The following SMC6 variants were observed in gnomAD, a reference collection of about 807,000 sequenced individuals.
SMC6 encodes structural maintenance of chromosomes protein 6.
A neutral mutation model predicts 142.2 loss-of-function variants in SMC6; 79 were observed. The ratio of observed to expected loss-of-function variants is 0.56; its 90% CI spans 0.46 to 0.67. The LOEUF (loss-of-function observed/expected upper bound fraction) is 0.67. SMC6 is among the 30% of genes least tolerant of loss of function. SMC6 has a pLI of 0.00. For missense variants in SMC6, 1,072 were observed against 1,284.0 expected (o/e 0.83, Z 2.52); for synonymous variants, 411 against 412.4 (o/e 1.00, Z 0.04).
rs756473163 is a variant in SMC6 at position 17,703,252 on chromosome 2, A to T, written c.2047T>A (p.Leu683Ile). Reference protein sequence around the residue: ...NEVENKTAQILNLQQHLSALE... With the variant: ...NEVENKTAQIINLQQHLSALE... ...GCAGATAAATGTTGCTGAAGATTTA[A>T]TATCTGGGCCGTCTTATTTTCAACC... The change falls in exon 19 of 28, where the codon TTA (leucine) becomes ATA (isoleucine). Residue 683 changes from leucine to isoleucine, a missense_variant. Physicochemically the swap from Leu to Ile is conservative, Grantham distance 5. Transcript: ENST00000448223. 3.7e-6 allele frequency: 6 copies of T among 1,607,040 alleles called. No individual in the cohort carries two copies. The South Asian group carries it at 6.7e-5, about 18-fold the overall frequency.
chr2:17,743,649 C>G (rs1043928877), intron 3 of SMC6, among the ~76,000 whole-genome samples: 12 of 152,010 alleles, frequency 7.9e-5, no homozygotes, highest in African/African-American at 2.9e-4. Context: ...ATTGTACATT[C>G]TACAGATTTG....
At chr2:17,750,307 A>G (rs1670961276) in intron 2 of SMC6, among the ~76,000 whole-genome samples, 1 of 152,238 alleles carries the variant, frequency 6.6e-6, no homozygotes, top group Non-Finnish European at 1.5e-5. Flanking sequence ...TAAAAGACTG[A>G]ATTAGTAGAA....
chr2:17,744,822 C>A (rs1435086924), intron 3 of SMC6, among the ~76,000 whole-genome samples: 1 of 152,164 alleles, frequency 6.6e-6, no homozygotes, highest in Non-Finnish European at 1.5e-5. Flanking sequence ...TTTTGCTGCA[C>A]TGAGTGATAT....
chr2:17,685,001 A>G (rs750374815), intron 23 of SMC6, among the ~76,000 whole-genome samples: 16 of 152,142 alleles, frequency 1.1e-4, no homozygotes, highest in Admixed American at 3.3e-4. Flanking sequence ...TAGGAGGGCT[A>G]GAACCTCCTC....
chr2:17,708,811 A>T (rs1350141114), intron 16 of SMC6, 58 bp from the exon 17 acceptor site: 2 of 627,330 alleles, frequency 3.2e-6, no homozygotes, highest in Admixed American at 4.2e-5. Flanking sequence ...AAATATATAC[A>T]TATGAAAATT....
At chr2:17,733,713 T>C (rs936212765) in intron 5 of SMC6, among the ~76,000 whole-genome samples, 9 of 152,220 alleles carry the variant, frequency 5.9e-5, no homozygotes, top group East Asian at 1.9e-4. Context: ...TGGGGCATTA[T>C]AGTCTGATAA....
chr2:17,720,555 C>T (rs903482690), intron 11 of SMC6, among the ~76,000 whole-genome samples: 2 of 152,162 alleles, frequency 1.3e-5, no homozygotes, highest in Non-Finnish European at 2.9e-5. Flanking sequence ...CTGATACTTA[C>T]CTTTAATGTG....
intron 21 of SMC6, 41 bp from the exon 22 acceptor site, chr2:17,696,467 A>T (rs1487628176): frequency 1.3e-6 from 2 of 1,586,442 alleles, no homozygotes; most frequent in Non-Finnish European, 8.5e-7. Context: ...TTTTAAAAAA[A>T]TTTCCAGCAT....
At chr2:17,749,526 A>G (rs1670917714) in intron 2 of SMC6, among the ~76,000 whole-genome samples, 1 of 152,130 alleles carries the variant, frequency 6.6e-6, no homozygotes, top group Non-Finnish European at 1.5e-5. Flanking sequence ...CGTCTCTACT[A>G]AAAATACAAA....
chr2:17,682,286 T>A (rs549499568), intron 24 of SMC6, among the ~76,000 whole-genome samples: 91 of 152,328 alleles, frequency 6.0e-4, no homozygotes, highest in African/African-American at 1.6e-3. Flanking sequence ...TTTCACACTC[T>A]GGCTATCAGA....
At chr2:17,687,558 A>T (rs1405727178) in intron 23 of SMC6, among the ~76,000 whole-genome samples, 1 of 152,182 alleles carries the variant, frequency 6.6e-6, no homozygotes, top group African/African-American at 2.4e-5. Flanking sequence ...AAGAAAACAC[A>T]TATGAACCTG....
intron 6 of SMC6, among the ~76,000 whole-genome samples, chr2:17,731,348 C>T (rs1008255510): frequency 1.3e-5 from 2 of 152,172 alleles, no homozygotes; most frequent in Admixed American, 6.5e-5. Context: ...TTATCTTGTT[C>T]CCACAGCTAA....
At chr2:17,735,953 C>T (rs1572350710) in intron 5 of SMC6, among the ~76,000 whole-genome samples, 1 of 152,178 alleles carries the variant, frequency 6.6e-6, no homozygotes. Flanking sequence ...CTACCTCAAA[C>T]TTGTGCTGGA....
intron 5 of SMC6, among the ~76,000 whole-genome samples, chr2:17,732,506 C>T (rs1395978726): frequency 1.3e-5 from 2 of 152,058 alleles, no homozygotes; most frequent in South Asian, 2.1e-4. Flanking sequence ...CGACACCAGC[C>T]TGGCCAACAC....
At chr2:17,693,077 G>C (rs1667807784) in intron 23 of SMC6, among the ~76,000 whole-genome samples, 1 of 152,200 alleles carries the variant, frequency 6.6e-6, no homozygotes, top group African/African-American at 2.4e-5. Flanking sequence ...AGAGGATGTA[G>C]AGAAATAGGA....
At chr2:17,686,841 G>C (rs1667477860) in intron 23 of SMC6, among the ~76,000 whole-genome samples, 1 of 152,146 alleles carries the variant, frequency 6.6e-6, no homozygotes, top group Admixed American at 6.5e-5. Context: ...TTACATGGAT[G>C]GCTAAGATAG....
intron 3 of SMC6, among the ~76,000 whole-genome samples, chr2:17,744,735 A>G (rs1670653719): frequency 6.6e-6 from 1 of 152,132 alleles, no homozygotes; most frequent in Non-Finnish European, 1.5e-5. Context: ...GCTCTTTAAC[A>G]GGTTGAGGAA....
At chr2:17,685,873 G>C (rs1025007062) in intron 23 of SMC6, among the ~76,000 whole-genome samples, 3 of 151,694 alleles carry the variant, frequency 2.0e-5, no homozygotes, top group Non-Finnish European at 4.4e-5. Flanking sequence ...GCAATATTTG[G>C]CTAATACTCC....
chr2:17,702,585 A>G (rs543604632), intron 19 of SMC6, among the ~76,000 whole-genome samples: 48 of 152,284 alleles, frequency 3.2e-4, no homozygotes, highest in African/African-American at 1.2e-3. Flanking sequence ...ATGAATTGAT[A>G]TGGTTTGGCT....
Sources: allele counts gnomAD v4.1 joint callset (sites outside exome capture counted in the v4.1 genomes callset), GRCh38; gene constraint gnomAD v4.1.1; transcripts MANE v1.5; gene names NCBI Gene and HGNC (gene_info 2026-07-23, HGNC 2026-07-21).